Variants in CCBE1 observed in about 807,000 individuals in gnomAD.
CCBE1 encodes collagen and calcium-binding EGF domain-containing protein 1.
Under a neutral mutation model 50.0 loss-of-function variants are expected in CCBE1, and 37 were observed. The observed-to-expected ratio is 0.74, with a 90% CI of 0.57 to 0.97. CCBE1 has a LOEUF of 0.97. Among genes scored for constraint, CCBE1 ranks in the 50% least tolerant of loss-of-function variants. The probability of loss-of-function intolerance (pLI) is 0.00; values close to 1 mark genes in which losing one functional copy is unlikely to be tolerated. For missense variants in CCBE1, 538 were observed against 523.8 expected, an observed-to-expected ratio of 1.03 and a Z score of -0.26; for synonymous variants, 234 against 203.7, an observed-to-expected ratio of 1.15 and a Z score of -1.27.
intron 2 of CCBE1, among the ~76,000 whole-genome samples, chr18:59,607,147 G>A (rs1431377081): frequency 2.0e-5 from 3 of 151,846 alleles, no homozygotes; most frequent in Non-Finnish European, 4.4e-5. Flanking sequence ...GAAAACAAAG[G>A]TTGAGCCAAA....
At chr18:59,544,340 T>A (rs577832609) in intron 2 of CCBE1, among the ~76,000 whole-genome samples, 1 of 141,686 alleles carries the variant, frequency 7.1e-6, no homozygotes, top group Non-Finnish European at 1.6e-5. Flanking sequence ...AAAAATCCAT[T>A]GCTGTAGGCT....
intron 2 of CCBE1, among the ~76,000 whole-genome samples, chr18:59,543,926 T>C (rs1915584186): frequency 1.3e-5 from 2 of 151,924 alleles, no homozygotes; most frequent in African/African-American, 4.8e-5. Context: ...ATTCTGTTTG[T>C]GTTTAAACGA....
intron 2 of CCBE1, among the ~76,000 whole-genome samples, chr18:59,507,866 T>G (rs72962196): frequency 0.097 from 14,743 of 151,980 alleles, 950 homozygotes; most frequent in Non-Finnish European, 0.14. Flanking sequence ...CAGTGTGTTA[T>G]GTTAATTAGG....
intron 2 of CCBE1, among the ~76,000 whole-genome samples, chr18:59,511,442 G>C (rs903478230): frequency 1.3e-5 from 2 of 152,232 alleles, no homozygotes; most frequent in Admixed American, 1.3e-4. Context: ...GCCTTGAAGA[G>C]ATCCATTTAC....
chr18:59,629,932 G>A (rs144158670), intron 2 of CCBE1, among the ~76,000 whole-genome samples: 1 of 152,302 alleles, frequency 6.6e-6, no homozygotes, highest in African/African-American at 2.4e-5. Flanking sequence ...CCATTTATTA[G>A]CAAGGCTCTG....
At chr18:59,536,710 C>G (rs565881216) in intron 2 of CCBE1, among the ~76,000 whole-genome samples, 1 of 152,136 alleles carries the variant, frequency 6.6e-6, no homozygotes, top group Non-Finnish European at 1.5e-5. Context: ...GAACATTTGG[C>G]TGGGCGCAAT....
chr18:59,675,656 G>T (rs900872731), intron 2 of CCBE1, among the ~76,000 whole-genome samples: 3 of 152,228 alleles, frequency 2.0e-5, no homozygotes, highest in African/African-American at 4.8e-5. Context: ...ACATTCAGGA[G>T]ATGAGGAAAA....
chr18:59,587,964 G>A (rs896497976), intron 2 of CCBE1, among the ~76,000 whole-genome samples: 27 of 152,088 alleles, frequency 1.8e-4, no homozygotes, highest in Non-Finnish European at 1.6e-4. Context: ...AAAATATAAA[G>A]CTTTGCAATA....
At chr18:59,634,259 G>A (rs550498149) in intron 2 of CCBE1, among the ~76,000 whole-genome samples, 7 of 152,230 alleles carry the variant, frequency 4.6e-5, no homozygotes, top group Non-Finnish European at 8.8e-5. Context: ...AGGGGAAGCA[G>A]CAGGGAAACT....
At chr18:59,522,025 A>T (rs1914621137) in intron 2 of CCBE1, among the ~76,000 whole-genome samples, 1 of 152,190 alleles carries the variant, frequency 6.6e-6, no homozygotes, top group Admixed American at 6.5e-5. Flanking sequence ...TCCTTGCTTT[A>T]ATTTGAATTA....
intron 2 of CCBE1, among the ~76,000 whole-genome samples, chr18:59,695,682 A>G (rs2054795458): frequency 6.6e-6 from 1 of 152,156 alleles, no homozygotes; most frequent in African/African-American, 2.4e-5. Flanking sequence ...GGAATAAAAC[A>G]TTGTTTTCTT....
chr18:59,687,413 GTTTT>G (rs72061302), intron 2 of CCBE1, among the ~76,000 whole-genome samples: 53,130 of 151,766 alleles, frequency 0.35, 9,954 homozygotes, highest in East Asian at 0.51. Context: ...CTGTGCCTGT[GTTTT>G]TTTCTCTACA....
intron 2 of CCBE1, among the ~76,000 whole-genome samples, chr18:59,588,408 G>GAAA (rs954118241): frequency 1.3e-5 from 2 of 151,456 alleles, no homozygotes; most frequent in Non-Finnish European, 3.0e-5. Flanking sequence ...TATAAAGAAA[G>GAAA]AAAAAAAAGA....
chr18:59,577,810 T>C (rs1466377374), intron 2 of CCBE1, among the ~76,000 whole-genome samples: 1 of 152,282 alleles, frequency 6.6e-6, no homozygotes, highest in East Asian at 1.9e-4. Flanking sequence ...CTAAAATAGC[T>C]TCAATAGAAG....
intron 2 of CCBE1, among the ~76,000 whole-genome samples, chr18:59,605,241 T>C (rs939048944): frequency 6.6e-6 from 1 of 152,212 alleles, no homozygotes; most frequent in Non-Finnish European, 1.5e-5. Flanking sequence ...AAACATCTTC[T>C]ACAACATGTT....
intron 2 of CCBE1, among the ~76,000 whole-genome samples, chr18:59,670,908 G>A (rs958716388): frequency 5.3e-5 from 8 of 152,082 alleles, no homozygotes; most frequent in African/African-American, 7.2e-5. Context: ...AGATCACACC[G>A]CTGCACTCCA....
At position 59,468,851 on chromosome 18, in the gene CCBE1, T is replaced by TCC. The variant is rs1555680741; in HGVS notation, c.400+620_400+621dup. ...GAAAAGGCCAGGTTTTTTTTTTTTT[T>TCC]CCCCAAACGAGGACCCCAGATGTTT... On this transcript the variant is annotated intron_variant, in intron 4 of 10. Coordinates refer to ENST00000439986, the MANE Select transcript of CCBE1 (RefSeq NM_133459.4). Among the ~76,000 whole-genome samples the TCC allele has an allele frequency of 7.5e-3, 1,127 of 149,392 alleles. 12 individuals are homozygous for TCC. The highest frequency in any genetic ancestry group is 0.025 in the African/African-American group (1,025 of 40,750).
chr18:59,441,571 T>C (rs958570339), intron 7 of CCBE1, among the ~76,000 whole-genome samples: 1 of 151,910 alleles, frequency 6.6e-6, no homozygotes, highest in African/African-American at 2.4e-5. Context: ...ACCCAGATGT[T>C]GGAATAATGA....
chr18:59,641,544 C>T (rs1467399782), intron 2 of CCBE1, among the ~76,000 whole-genome samples: 1 of 116,202 alleles, frequency 8.6e-6, no homozygotes, highest in African/African-American at 2.6e-5. Context: ...CACCAAACCC[C>T]GTGACACAAG....
Sources: allele counts gnomAD v4.1 joint callset (sites outside exome capture counted in the v4.1 genomes callset), GRCh38; gene constraint gnomAD v4.1.1; transcripts MANE v1.5; gene names NCBI Gene and HGNC (gene_info 2026-07-23, HGNC 2026-07-21).